PRRC2B: variants seen among roughly 807,000 people sequenced by gnomAD.
PRRC2B encodes protein PRRC2B.
In PRRC2B, 68 loss-of-function variants were observed where a neutral mutation model predicts 242.3. That is an observed-to-expected ratio of 0.28 (90% CI 0.23 to 0.34). The LOEUF (loss-of-function observed/expected upper bound fraction) is 0.34, where lower values mean the gene tolerates loss of function less well. Among genes scored for constraint, PRRC2B ranks in the 10% least tolerant of loss-of-function variants. PRRC2B has a pLI of 1.00. For synonymous variants in PRRC2B, 1,228 were observed against 1,173.6 expected, an observed-to-expected ratio of 1.05 and a Z score of -0.95; for missense variants, 2,835 against 2,954.8, an observed-to-expected ratio of 0.96 and a Z score of 0.94.
intron 17 of PRRC2B, 96 bp from the exon 18 acceptor site, chr9:131,478,378 G>A (rs1943764108): frequency 3.3e-6 from 4 of 1,215,600 alleles, no homozygotes; most frequent in Admixed American, 1.9e-5. Flanking sequence ...GGTTTCTGTC[G>A]AGCCTGATGC....
At chr9:131,419,159 A>G (rs992793674) in intron 1 of PRRC2B, among the ~76,000 whole-genome samples, 1 of 152,202 alleles carries the variant, frequency 6.6e-6, no homozygotes, top group Non-Finnish European at 1.5e-5. Flanking sequence ...AGCTACGTTT[A>G]TTGCCCCAAA....
At position 131,446,994 on chromosome 9, in the gene PRRC2B, T is replaced by G; in HGVS notation, c.856-91T>G. 6.6e-7 allele frequency: 1 copy of G among 1,524,932 alleles called. No individual in the cohort carries two copies. The highest frequency in any genetic ancestry group is 1.2e-5 in the South Asian group (1 of 83,708). 94.5% of individuals were successfully genotyped at this position (1,524,932 alleles called of 1,614,324 possible). On this transcript the variant is annotated intron_variant, in intron 7 of 31. Coordinates refer to ENST00000683519, the MANE Select transcript of PRRC2B (RefSeq NM_013318.4). This position sits in a 1 kb window ranked among gnomAD's most constrained non-coding sequence, Gnocchi z 4.1. ...ATGACTTTCCTGTTTCTTTTTCCCATTTTCCACTTTATAAAACACATTCTG... is the reference window on the plus strand; with the variant it reads ...ATGACTTTCCTGTTTCTTTTTCCCAGTTTCCACTTTATAAAACACATTCTG...
chr9:131,487,385 T>G lies in PRRC2B; in HGVS notation c.5984+91T>G. 2 of 1,177,896 alleles carry G rather than the reference T, an allele frequency of 1.7e-6. No homozygotes were observed. Among genetic ancestry groups the G allele is most frequent in the Non-Finnish European group, 2.3e-6 (2 of 868,720 alleles). 73.0% of individuals were successfully genotyped at this position (1,177,896 alleles called of 1,614,324 possible). A position where few individuals can be genotyped will look rare whatever the true frequency, so the allele number is the denominator to read the frequency against. ...CTTCGTCCTGCAGCTGTTTGGTGCTTGTCTGCTTTGGGGCCAGTGGGGCGG... is the reference window on the plus strand; with the variant it reads ...CTTCGTCCTGCAGCTGTTTGGTGCTGGTCTGCTTTGGGGCCAGTGGGGCGG... On this transcript the variant is annotated intron_variant, in intron 27 of 31. Coordinates refer to ENST00000683519, the MANE Select transcript of PRRC2B (RefSeq NM_013318.4). This position sits in a 1 kb window ranked among gnomAD's most constrained non-coding sequence, Gnocchi z 5.3.
chr9:131,405,725 G>T (rs186266783), intron 1 of PRRC2B, among the ~76,000 whole-genome samples: 2 of 152,108 alleles, frequency 1.3e-5, no homozygotes, highest in African/African-American at 4.8e-5. Context: ...CTCCTGGGGG[G>T]GTTATTGTTA....
chr9:131,376,259 C>T (rs1836683323), intron 1 of PRRC2B, among the ~76,000 whole-genome samples: 1 of 150,590 alleles, frequency 6.6e-6, no homozygotes, highest in African/African-American at 2.4e-5. Context: ...GAGGCTGAGG[C>T]AGGAGAATTG....
chr9:131,375,856 C>G lies in PRRC2B; in HGVS notation c.-56+2125C>G, dbSNP rs368800369. On this transcript the variant is annotated intron_variant, in intron 1 of 1. Transcript: ENST00000682525. ...CTGAGGTCAGGAGTTCAAGACCAGC[C>G]TGGCCATTGTGATGAAACCCTGTCT... is the stretch of plus-strand genomic sequence containing the variant. Among the ~76,000 whole-genome samples, 138 of 152,026 alleles carry G rather than the reference C, an allele frequency of 9.1e-4. 1 individual carries two copies. The highest frequency in any genetic ancestry group is 3.4e-3 in the Middle Eastern group (1 of 294).
Position 131,376,046 on chromosome 9 carries a change from C to CAAAAAAA in PRRC2B, c.-56+2329_-56+2335dup, listed in dbSNP as rs56400904. 1.4e-3 allele frequency among the ~76,000 whole-genome samples: 104 copies of CAAAAAAA among 72,974 alleles called. 1 individual carries two copies. The highest frequency in any genetic ancestry group is 5.7e-3 in the African/African-American group (101 of 17,568). The allele number at this position is 72,974 out of a possible 152,430, so 47.9% of individuals were successfully genotyped here. A position where few individuals can be genotyped will look rare whatever the true frequency, so the allele number is the denominator to read the frequency against. On this transcript the variant is annotated intron_variant, in intron 1 of 1. Transcript: ENST00000682525. Reference sequence around the variant, plus strand: ...CCTGAGCAACAGAGTGAGACTGTCTCAAAAAAAAAAAAAAAAAAAAGGCCG... The same window carrying CAAAAAAA: ...CCTGAGCAACAGAGTGAGACTGTCTCAAAAAAAAAAAAAAAAAAAAAAAAAAAGGCCG...
At chr9:131,387,297 G>A (rs973342718) in intron 1 of PRRC2B, among the ~76,000 whole-genome samples, 1 of 149,914 alleles carries the variant, frequency 6.7e-6, no homozygotes, top group South Asian at 2.1e-4. Flanking sequence ...CACCGCGCCC[G>A]GCCACCTGTC....
chr9:131,488,370 G>C (rs1442423647), intron 28 of PRRC2B, among the ~76,000 whole-genome samples: 1 of 151,546 alleles, frequency 6.6e-6, no homozygotes, highest in Non-Finnish European at 1.5e-5. Context: ...TTCAGGCGAT[G>C]CTCCTGCCTC....
In PRRC2B at chr9:131,434,961, C is replaced by T. The variant is rs576876885; in HGVS notation, c.294-1659C>T. Among the ~76,000 whole-genome samples, 301 of 152,112 alleles carry T rather than the reference C, an allele frequency of 2.0e-3. 2 individuals are homozygous for T. The highest frequency in any genetic ancestry group is 3.4e-3 in the Middle Eastern group (1 of 294). ...GCATTTCCATTTCTAAGGTCGTATG[C>T]TATGGAATTACTTACAGAAAAATGG... On this transcript the variant is annotated intron_variant, in intron 3 of 31. Transcript: ENST00000683519.
In PRRC2B at chr9:131,446,792, T is replaced by C. The variant is rs1838816258; in HGVS notation, c.855+150T>C. 1 of 975,704 alleles carries C rather than the reference T, an allele frequency of 1.0e-6. No homozygotes were observed. The highest frequency in any genetic ancestry group is 1.5e-6 in the Non-Finnish European group (1 of 670,488). 60.4% of individuals were successfully genotyped at this position (975,704 alleles called of 1,614,324 possible). ...CCACTCGTTTTGCATTTTCTCTCCCTGCTTTTTAAATCTTCAGGGCCTCTG... is the reference window on the plus strand; with the variant it reads ...CCACTCGTTTTGCATTTTCTCTCCCCGCTTTTTAAATCTTCAGGGCCTCTG... On this transcript the variant is annotated intron_variant, in intron 7 of 31. Coordinates refer to ENST00000683519, the MANE Select transcript of PRRC2B (RefSeq NM_013318.4). This position sits in a 1 kb window ranked among gnomAD's most constrained non-coding sequence, Gnocchi z 4.1.
intron 28 of PRRC2B, chr9:131,490,880 G>C (rs937089944): frequency 3.2e-6 from 1 of 315,958 alleles, no homozygotes; most frequent in East Asian, 7.7e-5. Context: ...TTCCTCACTC[G>C]TCCTCTCCTT....
chr9:131,397,860 C>T (rs928870886), intron 1 of PRRC2B, among the ~76,000 whole-genome samples: 2 of 152,146 alleles, frequency 1.3e-5, no homozygotes, highest in Non-Finnish European at 2.9e-5. Context: ...AACAACATTT[C>T]CAGCAGACAA....
chr9:131,390,453 C>G (rs1275146691), upstream of PRRC2B, among the ~76,000 whole-genome samples: 1 of 143,350 alleles, frequency 7.0e-6, no homozygotes, highest in Non-Finnish European at 1.5e-5. Context: ...CAGGTCTCTT[C>G]TCTCCCAAGA....
At chr9:131,426,856 T>C (rs947769190) in intron 1 of PRRC2B, among the ~76,000 whole-genome samples, 4 of 152,234 alleles carry the variant, frequency 2.6e-5, no homozygotes, top group Admixed American at 6.5e-5. Flanking sequence ...AGTCCCATCA[T>C]TGTGACATCA....
chr9:131,409,532 T>G (rs1332144056), intron 1 of PRRC2B, among the ~76,000 whole-genome samples: 1 of 152,224 alleles, frequency 6.6e-6, no homozygotes, highest in Non-Finnish European at 1.5e-5. Flanking sequence ...ATTAGTAACA[T>G]GTATTGGTTA....
chr9:131,483,286 T>G, intron 22 of PRRC2B, 73 bp from the exon 23 acceptor site: 2 of 1,397,012 alleles, frequency 1.4e-6, no homozygotes, highest in Non-Finnish European at 2.0e-6. Context: ...CTGCATCACG[T>G]TAATGTATGC....
intron 5 of PRRC2B, among the ~76,000 whole-genome samples, chr9:131,442,370 C>G (rs1838622447): frequency 6.6e-6 from 1 of 151,662 alleles, no homozygotes; most frequent in Non-Finnish European, 1.5e-5. Context: ...TTTAAAAATA[C>G]AGTTTTTATT....
chr9:131,382,888 G>T (rs1019174164), intron 1 of PRRC2B, among the ~76,000 whole-genome samples: 1 of 151,866 alleles, frequency 6.6e-6, no homozygotes, highest in African/African-American at 2.4e-5. Context: ...CAAGTGATCC[G>T]CCCGCCTTGG....
Sources: allele counts gnomAD v4.1 joint callset (sites outside exome capture counted in the v4.1 genomes callset), GRCh38; gene constraint gnomAD v4.1.1; non-coding constraint Gnocchi (gnomAD v3.1); transcripts MANE v1.5; gene names NCBI Gene and HGNC (gene_info 2026-07-23, HGNC 2026-07-21).